The following TACR1 variants were observed in gnomAD, a reference collection of about 807,000 sequenced individuals.
TACR1 encodes substance-P receptor.
Under a neutral mutation model 35.8 loss-of-function variants are expected in TACR1, and 25 were observed. That is an observed-to-expected ratio of 0.70 (90% CI 0.51 to 0.98). TACR1 has a LOEUF of 0.98. TACR1 is among the 50% of genes least tolerant of loss of function. TACR1 has a pLI of 0.00. For synonymous variants in TACR1, 195 were observed against 206.7 expected (o/e 0.94, Z 0.48); for missense variants, 478 against 522.9 (o/e 0.91, Z 0.84).
chr2:75,097,365 C>A (rs72918533), intron 2 of TACR1, among the ~76,000 whole-genome samples: 229 of 134,118 alleles, frequency 1.7e-3, no homozygotes, highest in African/African-American at 6.2e-3. Flanking sequence ...TCAGCAACAC[C>A]ATTTCTTCAT....
chr2:75,141,354 T>G (rs928839478), intron 1 of TACR1, among the ~76,000 whole-genome samples: 3 of 152,138 alleles, frequency 2.0e-5, no homozygotes, highest in Non-Finnish European at 2.9e-5. Flanking sequence ...CTCTCCAAGA[T>G]AAAACCCTCC....
intron 1 of TACR1, among the ~76,000 whole-genome samples, chr2:75,162,090 G>C (rs950399020): frequency 1.3e-5 from 2 of 151,506 alleles, no homozygotes; most frequent in Non-Finnish European, 2.9e-5. Flanking sequence ...GGGGGGAGGG[G>C]AAATGTTGGA....
At chr2:75,198,169 A>G (rs1676037714) in intron 1 of TACR1, among the ~76,000 whole-genome samples, 1 of 152,190 alleles carries the variant, frequency 6.6e-6, no homozygotes, top group African/African-American at 2.4e-5. Context: ...TCCAGGGTCT[A>G]GTCCTTTGAC....
At chr2:75,083,437 G>A (rs1280721695) in intron 2 of TACR1, among the ~76,000 whole-genome samples, 3 of 152,036 alleles carry the variant, frequency 2.0e-5, no homozygotes, top group East Asian at 1.9e-4. Flanking sequence ...ATGAACTTTA[G>A]AGTAGTTTTT....
At chr2:75,107,659 G>C (rs1051629805) in intron 2 of TACR1, among the ~76,000 whole-genome samples, 1 of 151,970 alleles carries the variant, frequency 6.6e-6, no homozygotes, top group Non-Finnish European at 1.5e-5. Flanking sequence ...GGTAGTGGTA[G>C]ATTGTTTAAA....
chr2:75,131,781 G>GT (rs1674184190), intron 1 of TACR1, among the ~76,000 whole-genome samples: 2 of 152,150 alleles, frequency 1.3e-5, no homozygotes, highest in Admixed American at 1.3e-4. Context: ...TTTTAAAAGT[G>GT]TTTGAGCCTT....
intron 2 of TACR1, among the ~76,000 whole-genome samples, chr2:75,110,346 A>G (rs1673727283): frequency 6.6e-6 from 1 of 151,968 alleles, no homozygotes; most frequent in Non-Finnish European, 1.5e-5. Flanking sequence ...TAAAAATTTC[A>G]CTTTACTTAA....
intron 2 of TACR1, among the ~76,000 whole-genome samples, chr2:75,102,751 A>G (rs1391604492): frequency 6.6e-6 from 1 of 152,182 alleles, no homozygotes; most frequent in Non-Finnish European, 1.5e-5. Context: ...TATATGCCAA[A>G]TAAAGGTATT....
intron 1 of TACR1, among the ~76,000 whole-genome samples, chr2:75,175,098 T>C (rs1364240827): frequency 6.6e-6 from 1 of 152,226 alleles, no homozygotes; most frequent in East Asian, 1.9e-4. Flanking sequence ...AGTCCTCAGA[T>C]ATGAATTCCC....
chr2:75,150,032 T>C (rs113873993), intron 1 of TACR1, among the ~76,000 whole-genome samples: 1 of 152,222 alleles, frequency 6.6e-6, no homozygotes, highest in African/African-American at 2.4e-5. Flanking sequence ...GTTTATGTGA[T>C]GGATTATGCT....
intron 2 of TACR1, among the ~76,000 whole-genome samples, chr2:75,061,823 C>T (rs1672678657): frequency 6.6e-6 from 1 of 152,188 alleles, no homozygotes; most frequent in South Asian, 2.1e-4. Flanking sequence ...GAGGGAAGGC[C>T]ACACTGACAC....
intron 2 of TACR1, among the ~76,000 whole-genome samples, chr2:75,068,021 T>C (rs1672801186): frequency 2.0e-5 from 3 of 152,306 alleles, no homozygotes; most frequent in South Asian, 4.1e-4. Context: ...CAAGATATAA[T>C]GAAGACTGGG....
intron 1 of TACR1, among the ~76,000 whole-genome samples, chr2:75,129,672 A>AT (rs1331669051): frequency 1.3e-5 from 2 of 152,172 alleles, no homozygotes; most frequent in East Asian, 1.9e-4. Flanking sequence ...AAAATGATGC[A>AT]TTTTTTGGAG....
intron 2 of TACR1, among the ~76,000 whole-genome samples, chr2:75,110,053 C>A (rs1397466056): frequency 6.6e-6 from 1 of 152,014 alleles, no homozygotes; most frequent in East Asian, 1.9e-4. Context: ...TCTTCTGGTG[C>A]GGCTTTTGAA....
intron 1 of TACR1, among the ~76,000 whole-genome samples, chr2:75,136,673 A>T (rs955899043): frequency 6.6e-6 from 1 of 152,214 alleles, no homozygotes; most frequent in South Asian, 2.1e-4. Flanking sequence ...AAAATGGTCA[A>T]AGTCATAACA....
intron 1 of TACR1, among the ~76,000 whole-genome samples, chr2:75,143,404 A>G (rs1227521809): frequency 6.6e-6 from 1 of 152,194 alleles, no homozygotes; most frequent in Non-Finnish European, 1.5e-5. Flanking sequence ...GAAATGTCCA[A>G]AGAAATTTAT....
intron 2 of TACR1, among the ~76,000 whole-genome samples, chr2:75,105,427 G>A (rs1673619465): frequency 6.6e-6 from 1 of 151,940 alleles, no homozygotes; most frequent in South Asian, 2.1e-4. Flanking sequence ...GTGTCACTTA[G>A]GATGAATAAG....
intron 2 of TACR1, among the ~76,000 whole-genome samples, chr2:75,057,429 A>C (rs926587309): frequency 6.6e-6 from 1 of 152,220 alleles, no homozygotes; most frequent in Non-Finnish European, 1.5e-5. Flanking sequence ...TGGAATAAAC[A>C]GCCTTGTTGC....
chr2:75,146,345 A>G (rs537625816), intron 1 of TACR1, among the ~76,000 whole-genome samples: 1 of 152,180 alleles, frequency 6.6e-6, no homozygotes, highest in African/African-American at 2.4e-5. Context: ...CTGGTCTCGA[A>G]CTCCTGACCT....
Sources: gnomAD v4.1 joint callset for allele counts (sites outside exome capture counted in the v4.1 genomes callset) on GRCh38, gnomAD v4.1.1 for gene constraint, MANE v1.5 for transcripts, NCBI Gene and HGNC (gene_info 2026-07-23, HGNC 2026-07-21) for gene names.